Variants in ENPP1 observed in about 807,000 individuals in gnomAD.
ENPP1 encodes ectonucleotide pyrophosphatase/phosphodiesterase family member 1.
ENPP1 carries 73 observed loss-of-function variants against 122.8 expected under a neutral mutation model. The ratio of observed to expected loss-of-function variants is 0.59; its 90% CI spans 0.49 to 0.72. The LOEUF (loss-of-function observed/expected upper bound fraction) is 0.72, where lower values mean the gene tolerates loss of function less well. ENPP1 is among the 30% of genes least tolerant of loss of function. The pLI is 0.00. For synonymous variants in ENPP1, 367 were observed against 391.6 expected, an observed-to-expected ratio of 0.94 and a Z score of 0.74; for missense variants, 978 against 1,128.1, an observed-to-expected ratio of 0.87 and a Z score of 1.91.
chr6:131,845,577 G>A (rs562114027), intron 1 of ENPP1, among the ~76,000 whole-genome samples: 6 of 150,480 alleles, frequency 4.0e-5, no homozygotes, highest in African/African-American at 7.3e-5. Context: ...CTGTCTAAGC[G>A]CCCCCGAGCA....
intron 13 of ENPP1, 70 bp from the exon 14 acceptor site, chr6:131,872,000 T>C: frequency 1.8e-6 from 2 of 1,140,978 alleles, no homozygotes; most frequent in Non-Finnish European, 2.6e-6. Flanking sequence ...TCTGACATTC[T>C]ATATTTTTGT....
chr6:131,873,137 A>G (rs369642909), intron 15 of ENPP1, 87 bp downstream of exon 15: 6 of 1,397,136 alleles, frequency 4.3e-6, no homozygotes, highest in South Asian at 1.2e-5. Context: ...CAATATTGTT[A>G]TGTGAAAACT....
chr6:131,831,230 TCTTTTTC>T (rs1781608695), intron 1 of ENPP1, among the ~76,000 whole-genome samples: 1 of 152,164 alleles, frequency 6.6e-6, no homozygotes, highest in Non-Finnish European at 1.5e-5. Flanking sequence ...TTCTCTTTTT[TCTTTTTC>T]CTTTCAATAA....
intron 11 of ENPP1, among the ~76,000 whole-genome samples, chr6:131,865,642 AAC>A (rs374897743): frequency 8.4e-4 from 128 of 152,344 alleles, no homozygotes; most frequent in African/African-American, 2.9e-3. Context: ...ATGGCAAAAA[AAC>A]ACAATTACTT....
chr6:131,813,386 A>G (rs911347724), intron 1 of ENPP1, among the ~76,000 whole-genome samples: 1 of 151,926 alleles, frequency 6.6e-6, no homozygotes, highest in East Asian at 2.0e-4. Context: ...AAAAATTAGC[A>G]GGGCATGGTA....
At chr6:131,824,208 T>C (rs1023056921) in intron 1 of ENPP1, among the ~76,000 whole-genome samples, 11 of 151,928 alleles carry the variant, frequency 7.2e-5, no homozygotes, top group African/African-American at 2.2e-4. Context: ...GCTGTGTACA[T>C]AGCGAGGGGG....
chr6:131,827,671 T>G, intron 1 of ENPP1: 1 of 644,632 alleles, frequency 1.6e-6, no homozygotes, highest in South Asian at 1.6e-5. Context: ...GTCCTTCTGC[T>G]CTACGTGCAT....
chr6:131,875,483 A>C (rs1782218645), intron 16 of ENPP1, among the ~76,000 whole-genome samples: 1 of 152,198 alleles, frequency 6.6e-6, no homozygotes, highest in Non-Finnish European at 1.5e-5. Context: ...TAAGGTGGGC[A>C]GGATGAGGTT....
intron 1 of ENPP1, among the ~76,000 whole-genome samples, chr6:131,833,434 A>G (rs1192792736): frequency 6.6e-6 from 1 of 152,102 alleles, no homozygotes; most frequent in African/African-American, 2.4e-5. Context: ...GTCATGTACC[A>G]AAAATGTCTT....
intron 1 of ENPP1, chr6:131,827,003 A>C: frequency 2.0e-6 from 1 of 495,664 alleles, no homozygotes; most frequent in Non-Finnish European, 3.8e-6. Flanking sequence ...CTACTACCAG[A>C]GATGAATGGT....
At chr6:131,809,136 T>C (rs531628894) in intron 1 of ENPP1, among the ~76,000 whole-genome samples, 24 of 152,302 alleles carry the variant, frequency 1.6e-4, no homozygotes, top group African/African-American at 5.8e-4. Context: ...CATGGGATTA[T>C]TGTGAAAATC....
At chr6:131,862,058 A>G (rs1208886840) in intron 9 of ENPP1, among the ~76,000 whole-genome samples, 1 of 151,982 alleles carries the variant, frequency 6.6e-6, no homozygotes, top group Non-Finnish European at 1.5e-5. Context: ...AATCCCAGCT[A>G]CTCACAAGGC....
At position 131,869,405 on chromosome 6, in the gene ENPP1, T is replaced by C. The variant is rs779657137; in HGVS notation, c.1321T>C (p.Leu441=). ...GAAATACATATATCTGAATAAATAT[T>C]TGGGGGATGTTAAAAATATTAAAGT... The part of the protein sequence containing the change: ...CKKYIYLNKY[L]GDVKNIKVIY... The change falls in exon 13 of 25, where the codon TTG becomes CTG. Residue 441 remains leucine (L), a synonymous_variant. Coordinates refer to ENST00000647893, the MANE Select transcript of ENPP1 (RefSeq NM_006208.3). 7.4e-6 allele frequency: 12 copies of C among 1,612,736 alleles called. No individual in the cohort carries two copies. Among genetic ancestry groups the C allele is most frequent in the Admixed American group, 5.0e-5 (3 of 59,964 alleles).
intron 2 of ENPP1, among the ~76,000 whole-genome samples, chr6:131,848,424 C>T (rs1183997965): frequency 6.6e-6 from 1 of 151,998 alleles, no homozygotes; most frequent in Non-Finnish European, 1.5e-5. Context: ...CCCCCCCATC[C>T]TCTCGCAATA....
intron 8 of ENPP1, 85 bp from the exon 9 acceptor site, chr6:131,861,510 A>C: frequency 1.2e-6 from 1 of 838,930 alleles, no homozygotes; most frequent in Non-Finnish European, 2.1e-6. Flanking sequence ...CTAGAGAGGA[A>C]TGCATTGGTG....
intron 24 of ENPP1, among the ~76,000 whole-genome samples, chr6:131,888,722 T>C (rs1279053237): frequency 6.6e-6 from 1 of 152,224 alleles, no homozygotes; most frequent in Non-Finnish European, 1.5e-5. Context: ...GCCTGATGAT[T>C]ATCTGACTCC....
chr6:131,819,063 T>C (rs9398995), intron 1 of ENPP1, among the ~76,000 whole-genome samples: 53,763 of 152,068 alleles, frequency 0.35, 10,165 homozygotes, highest in East Asian at 0.45. Context: ...TTACACAAAA[T>C]TGATGAAGAT....
chr6:131,872,257 G>A (rs917577434), intron 14 of ENPP1, among the ~76,000 whole-genome samples, 156 bp downstream of exon 14: 1 of 151,980 alleles, frequency 6.6e-6, no homozygotes, highest in African/African-American at 2.4e-5. Context: ...AGATCTTTAA[G>A]GTCGTATCCC....
intron 1 of ENPP1, among the ~76,000 whole-genome samples, chr6:131,833,409 A>G (rs981545756): frequency 6.6e-6 from 1 of 151,598 alleles, no homozygotes; most frequent in African/African-American, 2.4e-5. Flanking sequence ...TGATTTTTAT[A>G]CCCTATTATC....
Sources: gnomAD v4.1 joint callset for allele counts (sites outside exome capture counted in the v4.1 genomes callset) on GRCh38, gnomAD v4.1.1 for gene constraint, MANE v1.5 for transcripts, NCBI Gene and HGNC (gene_info 2026-07-23, HGNC 2026-07-21) for gene names.